ANO4: variants seen among roughly 807,000 people sequenced by gnomAD.
ANO4 encodes anoctamin-4.
In ANO4, 69 loss-of-function variants were observed where a neutral mutation model predicts 141.9. The ratio of observed to expected loss-of-function variants is 0.49; its 90% CI spans 0.40 to 0.59. ANO4 has a LOEUF of 0.59. ANO4 is among the 20% of genes least tolerant of loss of function. The probability of loss-of-function intolerance (pLI) is 0.00; values close to 1 mark genes in which losing one functional copy is unlikely to be tolerated. For synonymous variants in ANO4, 350 were observed against 394.3 expected (o/e 0.89, Z 1.33); for missense variants, 894 against 1,162.2 (o/e 0.77, Z 3.36).
chr12:100,947,910 A>G (rs1022852976), intron 5 of ANO4, among the ~76,000 whole-genome samples: 10 of 152,236 alleles, frequency 6.6e-5, no homozygotes, highest in African/African-American at 1.9e-4. Flanking sequence ...GAGGCAGGGC[A>G]TGGTGGCTCA....
chr12:100,995,537 T>C lies in ANO4; in HGVS notation c.734+7867T>C, dbSNP rs117034724. 4.1e-3 allele frequency among the ~76,000 whole-genome samples: 618 copies of C among 152,338 alleles called. 5 individuals carry two copies. The highest frequency in any genetic ancestry group is 4.9e-3 in the Non-Finnish European group (336 of 68,034). On this transcript the variant is annotated intron_variant, in intron 8 of 27. Transcript: ENST00000392977. ...ATCCGTGTGAAGCATGATGTATTTA[T>C]ATTTTTTCAAGTTTCTATCTTTTCA... is the stretch of plus-strand genomic sequence containing the variant.
chr12:100,951,561 T>A (rs2042970687), intron 5 of ANO4, among the ~76,000 whole-genome samples: 1 of 152,216 alleles, frequency 6.6e-6, no homozygotes, highest in African/African-American at 2.4e-5. Context: ...GAGGCCATTA[T>A]CCTTAGCAAA....
At chr12:101,052,500 T>G (rs11110633) in intron 14 of ANO4, among the ~76,000 whole-genome samples, 26,971 of 152,072 alleles carry the variant, frequency 0.18, 2,998 homozygotes, top group African/African-American at 0.31. Flanking sequence ...CTCCCCCTTG[T>G]TTTTCATTTT....
chr12:100,719,720 G>A (rs983401268), intron 1 of ANO4, among the ~76,000 whole-genome samples: 2 of 152,208 alleles, frequency 1.3e-5, no homozygotes, highest in Admixed American at 6.5e-5. Context: ...TTTGGCTTAT[G>A]TAGGCATTTC....
At chr12:100,938,491 AT>A (rs1366510328) in intron 3 of ANO4, among the ~76,000 whole-genome samples, 1 of 152,332 alleles carries the variant, frequency 6.6e-6, no homozygotes, top group East Asian at 1.9e-4. Context: ...ACCCTCAGCC[AT>A]TTTTAAAGCA....
intron 3 of ANO4, among the ~76,000 whole-genome samples, chr12:100,778,452 A>G (rs2033606132): frequency 1.3e-5 from 2 of 152,206 alleles, no homozygotes; most frequent in Admixed American, 1.3e-4. Context: ...TTAGTGTTGC[A>G]TTCTGCTACC....
intron 1 of ANO4, among the ~76,000 whole-genome samples, chr12:100,725,265 C>T (rs926012097): frequency 6.6e-6 from 1 of 151,704 alleles, no homozygotes; most frequent in Non-Finnish European, 1.5e-5. Context: ...GTTTGCTCAG[C>T]CTTTGTGGAT....
intron 2 of ANO4, among the ~76,000 whole-genome samples, chr12:100,736,741 A>C (rs1469122098): frequency 6.6e-6 from 1 of 152,182 alleles, no homozygotes; most frequent in African/African-American, 2.4e-5. Flanking sequence ...TGTCCTTATA[A>C]GAAGGGAAGA....
At chr12:101,034,104 G>A (rs1355108155) in intron 9 of ANO4, among the ~76,000 whole-genome samples, 2 of 152,118 alleles carry the variant, frequency 1.3e-5, no homozygotes, top group African/African-American at 4.8e-5. Flanking sequence ...TCTAGAACCA[G>A]AAATACCATT....
intron 1 of ANO4, among the ~76,000 whole-genome samples, chr12:100,856,585 G>A (rs1027273415): frequency 6.6e-6 from 1 of 152,116 alleles, no homozygotes; most frequent in Non-Finnish European, 1.5e-5. Flanking sequence ...CAGAAGAGGG[G>A]AAGCTATTTC....
intron 3 of ANO4, among the ~76,000 whole-genome samples, chr12:100,934,861 T>C (rs1222155944): frequency 1.3e-5 from 2 of 152,224 alleles, no homozygotes; most frequent in African/African-American, 2.4e-5. Flanking sequence ...CAATTGTGAA[T>C]GGGAGTTCAG....
At chr12:100,800,554 A>G (rs529883815) in intron 1 of ANO4, among the ~76,000 whole-genome samples, 40 of 152,270 alleles carry the variant, frequency 2.6e-4, no homozygotes, top group African/African-American at 8.9e-4. Context: ...ATATCTTCCA[A>G]TTTTCGAAGA....
At chr12:101,114,883 C>A (rs2050793269) in intron 24 of ANO4, among the ~76,000 whole-genome samples, 1 of 152,184 alleles carries the variant, frequency 6.6e-6, no homozygotes, top group Admixed American at 6.5e-5. Flanking sequence ...AGGCATGTTA[C>A]ACACTCCCTG....
chr12:101,018,415 T>C (rs558170244), intron 8 of ANO4, among the ~76,000 whole-genome samples: 6 of 152,308 alleles, frequency 3.9e-5, no homozygotes, highest in African/African-American at 1.4e-4. Flanking sequence ...CCAAGAGAAG[T>C]AAAAGTGAGA....
In ANO4 at chr12:101,023,381, T is replaced by G. The variant is rs2046610049; in HGVS notation, c.841+3241T>G. On this transcript the variant is annotated intron_variant, in intron 9 of 27. Coordinates refer to ENST00000392977, the MANE Select transcript of ANO4 (RefSeq NM_001286615.2). ...TCAAAGACCTCCATGTGTTGAAAAT[T>G]GGTAATAGGCCAGGCACATTGGCTC... is the stretch of plus-strand genomic sequence containing the variant. Among the ~76,000 whole-genome samples, 3 of 152,148 alleles carry G rather than the reference T, an allele frequency of 2.0e-5. No individual in the cohort carries two copies. In the South Asian group the frequency reaches 6.2e-4, roughly 32 times the overall value.
chr12:101,105,976 G>A lies in ANO4; in HGVS notation c.2150-4428G>A, dbSNP rs1192350991. Among the ~76,000 whole-genome samples the A allele has an allele frequency of 5.9e-5, 9 of 152,148 alleles. 1 individual carries two copies. The highest frequency in any genetic ancestry group is 1.2e-4 in the African/African-American group (5 of 41,440). ...AAAATACAAAAATTAGCTTGGTGGT[G>A]CGTGCCTGTAATCCTAGCTGCTCTG... On this transcript the variant is annotated intron_variant, in intron 22 of 27. Coordinates refer to ENST00000392977, the MANE Select transcript of ANO4 (RefSeq NM_001286615.2).
intron 9 of ANO4, among the ~76,000 whole-genome samples, chr12:101,029,520 G>A (rs181299767): frequency 0.011 from 1,647 of 152,214 alleles, 19 homozygotes; most frequent in Non-Finnish European, 0.013. Flanking sequence ...AAATGCAGGG[G>A]TTGCAAACCT....
intron 1 of ANO4, among the ~76,000 whole-genome samples, chr12:100,732,437 G>C (rs1206236271): frequency 6.6e-6 from 1 of 151,826 alleles, no homozygotes; most frequent in Non-Finnish European, 1.5e-5. Context: ...TCTTATTGTT[G>C]TTTTAAGAGT....
Position 101,083,721 on chromosome 12 carries a change from A to G in ANO4, c.1439A>G (p.Glu480Gly), listed in dbSNP as rs757760548. ...PQFEAKYSKK[E>G]RMNPISGKPE... is the part of the protein sequence containing the mutation. ...TTTGAAGCCAAGTATTCCAAGAAAGAGCGGATGAATCCAATTTCTGGAAAG... is the reference window on the plus strand; with the variant it reads ...TTTGAAGCCAAGTATTCCAAGAAAGGGCGGATGAATCCAATTTCTGGAAAG... The change falls in exon 16 of 28, where the codon GAG becomes GGG. Residue 480 changes from glutamate (E) to glycine (G), a missense_variant. By Grantham distance (98) the Glu-to-Gly change is moderately conservative. Coordinates refer to ENST00000392977, the MANE Select transcript of ANO4 (RefSeq NM_001286615.2). 1 of 1,609,726 alleles carries G rather than the reference A, an allele frequency of 6.2e-7. No homozygotes were observed. Among genetic ancestry groups the G allele is most frequent in the South Asian group, 1.1e-5 (1 of 89,616 alleles).
Sources: allele counts gnomAD v4.1 joint callset (sites outside exome capture counted in the v4.1 genomes callset), GRCh38; gene constraint gnomAD v4.1.1; transcripts MANE v1.5; gene names NCBI Gene and HGNC (gene_info 2026-07-23, HGNC 2026-07-21).